LIMD1: variants seen among roughly 807,000 people sequenced by gnomAD.
The protein encoded by LIMD1 is LIM domain containing 1.
A neutral mutation model predicts 58.4 loss-of-function variants in LIMD1; 23 were observed. The observed-to-expected ratio is 0.39, with a 90% CI of 0.28 to 0.56. The LOEUF is 0.56. Among genes scored for constraint, LIMD1 ranks in the 20% least tolerant of loss-of-function variants. The pLI, the probability that LIMD1 is intolerant of heterozygous loss-of-function variation, is 0.57. For synonymous variants in LIMD1, 334 were observed against 345.5 expected (o/e 0.97, Z 0.37); for missense variants, 838 against 855.5 (o/e 0.98, Z 0.25).
intron 7 of LIMD1, 195 bp downstream of exon 7, chr3:45,674,606 C>G (rs565716723): frequency 7.3e-6 from 4 of 549,208 alleles, no homozygotes; most frequent in East Asian, 5.7e-5. Flanking sequence ...GTATAAAGGT[C>G]TTTCTTCTGC....
intron 1 of LIMD1, among the ~76,000 whole-genome samples, chr3:45,620,598 G>A (rs1474537238): frequency 6.6e-6 from 1 of 152,058 alleles, no homozygotes; most frequent in Admixed American, 6.6e-5. Context: ...GACCAGCCTG[G>A]CCAACATGAT....
At chr3:45,622,231 A>AG (rs1198695356) in intron 1 of LIMD1, among the ~76,000 whole-genome samples, 3 of 152,208 alleles carry the variant, frequency 2.0e-5, no homozygotes, top group Non-Finnish European at 4.4e-5. Flanking sequence ...CTGGGTAAAC[A>AG]GGAATCTACT....
At chr3:45,597,184 C>T (rs1215119109) in intron 1 of LIMD1, among the ~76,000 whole-genome samples, 3 of 152,106 alleles carry the variant, frequency 2.0e-5, no homozygotes, top group Non-Finnish European at 4.4e-5. Flanking sequence ...TAAGTGTAGT[C>T]CCTGGATCAG....
chr3:45,652,448 C>G (rs973923898), intron 2 of LIMD1, among the ~76,000 whole-genome samples: 1 of 152,140 alleles, frequency 6.6e-6, no homozygotes, highest in African/African-American at 2.4e-5. Context: ...GCTTTCCTGC[C>G]TCTTTGCATG....
At chr3:45,618,994 A>G (rs1272947510) in intron 1 of LIMD1, among the ~76,000 whole-genome samples, 1 of 152,188 alleles carries the variant, frequency 6.6e-6, no homozygotes, top group Non-Finnish European at 1.5e-5. Context: ...TTGTAAACTT[A>G]ACAATATTTG....
chr3:45,656,996 TAAG>T (rs1382407661), intron 2 of LIMD1, among the ~76,000 whole-genome samples: 1 of 152,158 alleles, frequency 6.6e-6, no homozygotes. Flanking sequence ...TAAATGTCAA[TAAG>T]GAGGATTCTG....
chr3:45,674,293 GC>G (rs775864032), intron 6 of LIMD1, 49 bp from the exon 7 acceptor site: 1 of 1,478,684 alleles, frequency 6.8e-7, no homozygotes, highest in Non-Finnish European at 9.4e-7. Context: ...AAGCCCGACA[GC>G]CCCCCTAACA....
At chr3:45,662,300 T>TGC (rs1009638985) in intron 2 of LIMD1, among the ~76,000 whole-genome samples, 5 of 151,636 alleles carry the variant, frequency 3.3e-5, no homozygotes, top group African/African-American at 7.3e-5. Context: ...TGTGTGTGTG[T>TGC]GCGCGTGTAA....
chr3:45,671,147 C>T (rs371194853), intron 4 of LIMD1, among the ~76,000 whole-genome samples: 23 of 152,298 alleles, frequency 1.5e-4, no homozygotes, highest in African/African-American at 5.5e-4. Flanking sequence ...TCCTGTTTTG[C>T]CTTACTGCAG....
chr3:45,640,628 C>T (rs1701832483), intron 2 of LIMD1, among the ~76,000 whole-genome samples: 2 of 152,086 alleles, frequency 1.3e-5, no homozygotes, highest in South Asian at 4.1e-4. Flanking sequence ...CAGGGTTTCA[C>T]CATGTTGGCC....
chr3:45,668,969 G>A (rs1697557394), intron 4 of LIMD1, among the ~76,000 whole-genome samples: 2 of 152,194 alleles, frequency 1.3e-5, no homozygotes, highest in African/African-American at 4.8e-5. Context: ...GCTAAATACA[G>A]TCTGTTTTTA....
At chr3:45,660,173 C>T (rs1174025960) in intron 2 of LIMD1, among the ~76,000 whole-genome samples, 1 of 152,172 alleles carries the variant, frequency 6.6e-6, no homozygotes, top group Non-Finnish European at 1.5e-5. Flanking sequence ...AGCCTAAGCT[C>T]TGGAAGTCCT....
chr3:45,653,933 G>T, intron 2 of LIMD1, among the ~76,000 whole-genome samples: 1 of 118,074 alleles, frequency 8.5e-6, no homozygotes, highest in South Asian at 2.6e-4. Context: ...AAAAGAAAAA[G>T]AAAAAAAAAA....
At chr3:45,651,378 T>A (rs183123195) in intron 2 of LIMD1, among the ~76,000 whole-genome samples, 1 of 152,346 alleles carries the variant, frequency 6.6e-6, no homozygotes, top group Admixed American at 6.5e-5. Context: ...TTGCCATTGC[T>A]TTTGGTGTTT....
intron 2 of LIMD1, among the ~76,000 whole-genome samples, chr3:45,659,967 T>G (rs1162067205): frequency 6.6e-6 from 1 of 152,122 alleles, no homozygotes; most frequent in African/African-American, 2.4e-5. Context: ...AAAGCTTTCG[T>G]TTAATTTGTT....
At chr3:45,676,107 G>A (rs1697666482) in intron 7 of LIMD1, among the ~76,000 whole-genome samples, 1 of 152,118 alleles carries the variant, frequency 6.6e-6, no homozygotes, top group Non-Finnish European at 1.5e-5. Flanking sequence ...AGCCAGATGT[G>A]TTGGCGCGTG....
intron 1 of LIMD1, chr3:45,634,836 C>CT (rs1701769702): frequency 6.6e-6 from 1 of 152,208 alleles, no homozygotes; most frequent in Non-Finnish European, 1.5e-5. Context: ...GAAGGAACCT[C>CT]TATTTCCTAA....
At chr3:45,609,587 G>A (rs1701504292) in intron 1 of LIMD1, among the ~76,000 whole-genome samples, 1 of 152,188 alleles carries the variant, frequency 6.6e-6, no homozygotes, top group Non-Finnish European at 1.5e-5. Context: ...CCCCAAGTGG[G>A]TCACTGGCTT....
chr3:45,648,459 A>AT (rs1220565232), intron 2 of LIMD1, among the ~76,000 whole-genome samples: 1 of 152,184 alleles, frequency 6.6e-6, no homozygotes, highest in East Asian at 1.9e-4. Flanking sequence ...CCTTGTATAG[A>AT]TGTACCATAT....
Sources: allele counts gnomAD v4.1 joint callset (sites outside exome capture counted in the v4.1 genomes callset), GRCh38; gene constraint gnomAD v4.1.1; transcripts MANE v1.5; gene names NCBI Gene and HGNC (gene_info 2026-07-23, HGNC 2026-07-21).